LRP1B: variants seen among roughly 807,000 people sequenced by gnomAD.
The protein encoded by LRP1B is LDL receptor related protein 1B, also known as low-density lipoprotein receptor-related protein 1B.
LRP1B carries 217 observed loss-of-function variants against 556.6 expected under a neutral mutation model. That is an observed-to-expected ratio of 0.39 (90% CI 0.35 to 0.44). The LOEUF (loss-of-function observed/expected upper bound fraction) is 0.44. Ranked by LOEUF, LRP1B falls within the 20% of genes least tolerant of loss-of-function variation. The pLI is 1.00. For missense variants in LRP1B, 5,053 were observed against 5,620.8 expected (o/e 0.90, Z 3.23); for synonymous variants, 2,047 against 1,865.8 (o/e 1.10, Z -2.50).
chr2:141,621,718 G>A (rs1688510655), intron 2 of LRP1B, among the ~76,000 whole-genome samples: 1 of 152,120 alleles, frequency 6.6e-6, no homozygotes, highest in Non-Finnish European at 1.5e-5. Context: ...CCGCAATTTT[G>A]TCAGAGATAT....
At chr2:140,623,851 G>A (rs561040282) in intron 41 of LRP1B, among the ~76,000 whole-genome samples, 6 of 151,116 alleles carry the variant, frequency 4.0e-5, no homozygotes, top group South Asian at 2.1e-4. Context: ...CCTGGGAGGC[G>A]GAGGTTGCAG....
intron 33 of LRP1B, among the ~76,000 whole-genome samples, chr2:140,774,993 C>G (rs1462982818): frequency 1.3e-5 from 2 of 152,096 alleles, no homozygotes; most frequent in African/African-American, 4.8e-5. Context: ...TATGAACATT[C>G]ATAAATTCTC....
intron 20 of LRP1B, among the ~76,000 whole-genome samples, chr2:140,948,730 G>A (rs1695616254): frequency 1.3e-5 from 2 of 152,172 alleles, no homozygotes; most frequent in South Asian, 2.1e-4. Context: ...TCAACCATGA[G>A]AACTTGTGTT....
At chr2:141,743,344 T>G (rs1329009569) in intron 2 of LRP1B, among the ~76,000 whole-genome samples, 1 of 152,164 alleles carries the variant, frequency 6.6e-6, no homozygotes, top group Non-Finnish European at 1.5e-5. Context: ...TAGGATTTTG[T>G]TGAGGATTTT....
At chr2:140,854,698 T>G (rs1692561743) in intron 27 of LRP1B, among the ~76,000 whole-genome samples, 2 of 152,232 alleles carry the variant, frequency 1.3e-5, no homozygotes, top group South Asian at 4.1e-4. Flanking sequence ...ACCACGTGCA[T>G]TGGTTTACAT....
At chr2:141,139,448 T>A (rs1479236949) in intron 7 of LRP1B, among the ~76,000 whole-genome samples, 1 of 151,796 alleles carries the variant, frequency 6.6e-6, no homozygotes, top group Non-Finnish European at 1.5e-5. Flanking sequence ...TATAAGGCTT[T>A]TATCTGATAA....
chr2:141,340,334 G>A (rs997438390), intron 3 of LRP1B, among the ~76,000 whole-genome samples: 1 of 152,144 alleles, frequency 6.6e-6, no homozygotes, highest in East Asian at 1.9e-4. Flanking sequence ...TTTTCAAATT[G>A]TTCAACACAT....
At chr2:141,131,605 G>C (rs1701358713) in intron 7 of LRP1B, among the ~76,000 whole-genome samples, 1 of 151,078 alleles carries the variant, frequency 6.6e-6, no homozygotes, top group Non-Finnish European at 1.5e-5. Flanking sequence ...TTAAAGATCT[G>C]AACAAAAGAA....
At chr2:140,476,768 T>G (rs16844089) in intron 59 of LRP1B, among the ~76,000 whole-genome samples, 8,602 of 152,044 alleles carry the variant, frequency 0.057, 306 homozygotes, top group African/African-American at 0.08. Flanking sequence ...ACAAAAGGTG[T>G]AATGTTATAA....
At chr2:141,645,994 T>A (rs1038673241) in intron 2 of LRP1B, among the ~76,000 whole-genome samples, 12 of 152,102 alleles carry the variant, frequency 7.9e-5, no homozygotes, top group Admixed American at 2.0e-4. Context: ...CCCACAGGAT[T>A]TAAACTCAGA....
chr2:140,896,670 G>A (rs1693963285), intron 23 of LRP1B, among the ~76,000 whole-genome samples: 1 of 152,000 alleles, frequency 6.6e-6, no homozygotes, highest in African/African-American at 2.4e-5. Context: ...TTTGTAGGTA[G>A]GGGGTATCCT....
rs562990726 is a variant in LRP1B, at chr2:140,756,654, G to A, written c.5758+12559C>T. Among the ~76,000 whole-genome samples, 3 of 152,136 alleles carry A rather than the reference G, an allele frequency of 2.0e-5. No individual in the cohort carries two copies. The South Asian group carries it at 6.2e-4, about 32-fold the overall frequency. On this transcript the variant is annotated intron_variant, in intron 35 of 90. Coordinates refer to ENST00000389484, the MANE Select transcript of LRP1B (RefSeq NM_018557.3). ...CAAATCCACATGGATATCCATATGT[G>A]TATAGCAAAATTAACTAAAAGTGGA... is the stretch of plus-strand genomic sequence containing the variant.
chr2:141,679,144 G>A (rs1356335009), intron 2 of LRP1B, among the ~76,000 whole-genome samples: 1 of 151,986 alleles, frequency 6.6e-6, no homozygotes, highest in Non-Finnish European at 1.5e-5. Flanking sequence ...TGAGACCCTC[G>A]GTATAACAGG....
At chr2:141,825,194 A>G (rs1453420822) in intron 1 of LRP1B, among the ~76,000 whole-genome samples, 1 of 152,232 alleles carries the variant, frequency 6.6e-6, no homozygotes, top group Non-Finnish European at 1.5e-5. Flanking sequence ...TAGCTCTGAA[A>G]AAAAGTAAAC....
intron 77 of LRP1B, among the ~76,000 whole-genome samples, chr2:140,337,193 A>C (rs1174455963): frequency 6.6e-6 from 1 of 151,932 alleles, no homozygotes; most frequent in Non-Finnish European, 1.5e-5. Flanking sequence ...GGCTTACATT[A>C]AACACAGAAT....
chr2:141,788,393 G>A (rs1194166420), intron 2 of LRP1B, among the ~76,000 whole-genome samples: 1 of 151,958 alleles, frequency 6.6e-6, no homozygotes, highest in Non-Finnish European at 1.5e-5. Flanking sequence ...CACTGCTGAT[G>A]TCTTGTATTT....
At chr2:140,541,665 T>A (rs1380057029) in intron 44 of LRP1B, 114 bp downstream of exon 44, 1 of 844,952 alleles carries the variant, frequency 1.2e-6, no homozygotes, top group Non-Finnish European at 1.7e-6. Context: ...TAACAAAAAA[T>A]AATATTTTTT....
intron 57 of LRP1B, among the ~76,000 whole-genome samples, chr2:140,488,901 C>T (rs947282797): frequency 3.3e-5 from 5 of 151,630 alleles, no homozygotes; most frequent in Admixed American, 3.3e-4. Flanking sequence ...GCTTGGTTGC[C>T]GGGAGGAGGG....
At chr2:142,071,439 C>T (rs1705305806) in intron 1 of LRP1B, among the ~76,000 whole-genome samples, 1 of 151,872 alleles carries the variant, frequency 6.6e-6, no homozygotes, top group Non-Finnish European at 1.5e-5. Flanking sequence ...TGCTTTTTAT[C>T]TAGCCCATCA....
Sources: allele counts gnomAD v4.1 joint callset (sites outside exome capture counted in the v4.1 genomes callset), GRCh38; gene constraint gnomAD v4.1.1; transcripts MANE v1.5; gene names NCBI Gene and HGNC (gene_info 2026-07-23, HGNC 2026-07-21).